The following CTBP2 variants were observed in gnomAD, a reference collection of about 807,000 sequenced individuals.
The protein encoded by CTBP2 is C-terminal-binding protein 2.
Under a neutral mutation model 80.3 loss-of-function variants are expected in CTBP2, and 30 were observed. The observed-to-expected ratio is 0.37, with a 90% CI of 0.28 to 0.51. The LOEUF is 0.51. Among genes scored for constraint, CTBP2 ranks in the 20% least tolerant of loss-of-function variants. CTBP2 has a pLI of 0.93. For missense variants in CTBP2, 1,212 were observed against 1,375.3 expected (o/e 0.88, Z 1.88); for synonymous variants, 594 against 587.4 (o/e 1.01, Z -0.16).
chr10:125,022,414 A>G (rs1441451565), intron 1 of CTBP2, among the ~76,000 whole-genome samples: 4 of 152,244 alleles, frequency 2.6e-5, no homozygotes, highest in African/African-American at 7.2e-5. Flanking sequence ...ACATCTGGCC[A>G]CAGGCCTGGC....
intron 1 of CTBP2, among the ~76,000 whole-genome samples, chr10:125,017,569 G>A (rs1252386558): frequency 1.3e-5 from 2 of 152,168 alleles, no homozygotes; most frequent in African/African-American, 4.8e-5. Context: ...TGTTACAGCT[G>A]TTCCCAACAG....
At chr10:125,157,899 G>C (rs1193982767) in intron 1 of CTBP2, among the ~76,000 whole-genome samples, 1 of 152,138 alleles carries the variant, frequency 6.6e-6, no homozygotes, top group Non-Finnish European at 1.5e-5. Flanking sequence ...AAGGGCACTA[G>C]GGGTTTTTCA....
upstream of CTBP2, among the ~76,000 whole-genome samples, chr10:125,161,941 C>T (rs1165895635): frequency 5.3e-5 from 8 of 152,128 alleles, no homozygotes; most frequent in Admixed American, 2.0e-4. Flanking sequence ...AGCGGCCGCT[C>T]GCGGCCCAAC....
chr10:125,033,990 G>A (rs1474122869), intron 3 of CTBP2, among the ~76,000 whole-genome samples: 1 of 152,096 alleles, frequency 6.6e-6, no homozygotes, highest in African/African-American at 2.4e-5. Context: ...CCAAACCCCA[G>A]CCACAGACTC....
intron 1 of CTBP2, among the ~76,000 whole-genome samples, chr10:125,114,694 T>C (rs1426386629): frequency 2.6e-5 from 4 of 152,138 alleles, no homozygotes; most frequent in African/African-American, 9.7e-5. Context: ...GAAACTCTGG[T>C]GTGGCTCCTT....
At chr10:125,161,832 C>T (rs1438809485), upstream of CTBP2, among the ~76,000 whole-genome samples, 2 of 152,140 alleles carry the variant, frequency 1.3e-5, no homozygotes, top group Non-Finnish European at 2.9e-5. Flanking sequence ...CGTGGGGGCC[C>T]GCGACTCGGG....
chr10:124,990,154 C>G (rs1952410564), intron 8 of CTBP2, among the ~76,000 whole-genome samples: 1 of 151,784 alleles, frequency 6.6e-6, no homozygotes, highest in Admixed American at 6.6e-5. Context: ...AAGTGATTCT[C>G]CTGCCTCAGC....
chr10:125,012,949 C>CA (rs1303734135), intron 1 of CTBP2, among the ~76,000 whole-genome samples: 1 of 152,230 alleles, frequency 6.6e-6, no homozygotes, highest in Non-Finnish European at 1.5e-5. Flanking sequence ...CTGGTGAACT[C>CA]AGTCGTCAAA....
At chr10:124,997,061 G>C (rs1030525982) in intron 4 of CTBP2, 1 of 152,474 alleles carries the variant, frequency 6.6e-6, no homozygotes, top group Non-Finnish European at 1.5e-5. Context: ...GAGCACGGGG[G>C]CTTCGTCCTC....
intron 2 of CTBP2, chr10:125,100,540 T>C (rs962340011): frequency 3.9e-5 from 6 of 152,240 alleles, no homozygotes; most frequent in Admixed American, 3.3e-4. Flanking sequence ...AAAAATTTTT[T>C]AATTTAATTT....
chr10:125,098,768 GAGAGAGAGAGAC>G (rs1564915046), intron 2 of CTBP2, among the ~76,000 whole-genome samples: 2 of 138,458 alleles, frequency 1.4e-5, no homozygotes, highest in Non-Finnish European at 3.2e-5. Context: ...GAGAGAGAGA[GAGAGAGAGAGAC>G]AGAGAGAGAG....
At chr10:125,031,488 CAAA>C (rs11463934), upstream of CTBP2, among the ~76,000 whole-genome samples, 122 of 33,680 alleles carry the variant, frequency 3.6e-3, no homozygotes, top group Non-Finnish European at 4.3e-3. Flanking sequence ...GACTCCATTT[CAAA>C]AAAAAAAAAA....
rs561509199 is a variant in CTBP2, at chr10:124,994,496, G to A, written c.2373C>T (p.His791=). 2 of 1,614,004 alleles carry A rather than the reference G, an allele frequency of 1.2e-6. No homozygotes were observed. Among genetic ancestry groups the A allele is most frequent in the African/African-American group, 1.3e-5 (1 of 75,054 alleles). The change falls in exon 5 of 9, where the codon CAC becomes CAT. Residue 791 remains histidine (H), a synonymous_variant. Coordinates refer to ENST00000309035, the MANE Select transcript of CTBP2 (RefSeq NM_022802.3). ...GCTTTATGGTAAAGTCATTGATGAG[G>A]TGGTGGTTATGTTCGTTGAGATTGC...
chr10:124,989,289 A>G lies in CTBP2; in HGVS notation c.*229T>C, dbSNP rs1044840674. 1.1e-5 allele frequency: 6 copies of G among 559,990 alleles called. No homozygotes were observed. Among genetic ancestry groups the G allele is most frequent in the African/African-American group, 3.8e-5 (2 of 52,730 alleles). The allele number at this position is 559,990 out of a possible 1,614,324, so 34.7% of individuals were successfully genotyped here. A position where few individuals can be genotyped will look rare whatever the true frequency, so the allele number is the denominator to read the frequency against. ...GCACAGATGAAAAACTTAACACACA[A>G]TAACAGAAGTTGGTCGTTAATAAAT... On this transcript the variant is annotated 3_prime_UTR_variant, in exon 9 of 9. Coordinates refer to ENST00000309035, the MANE Select transcript of CTBP2 (RefSeq NM_022802.3).
chr10:125,157,393 T>TAA (rs11355614), intron 1 of CTBP2, among the ~76,000 whole-genome samples: 19 of 112,644 alleles, frequency 1.7e-4, no homozygotes, highest in African/African-American at 6.0e-4. Flanking sequence ...AGGTGGGGGT[T>TAA]AAAAAAAAAA....
intron 2 of CTBP2, among the ~76,000 whole-genome samples, chr10:125,107,697 C>T (rs1348406574): frequency 6.6e-6 from 1 of 152,210 alleles, no homozygotes; most frequent in Middle Eastern, 3.2e-3. Context: ...CACCACCAAG[C>T]ACACTGAGTT....
intron 1 of CTBP2, among the ~76,000 whole-genome samples, chr10:125,140,091 T>G (rs1432908272): frequency 6.6e-6 from 1 of 152,062 alleles, no homozygotes; most frequent in Non-Finnish European, 1.5e-5. Flanking sequence ...GTCCTCACAC[T>G]ACACTGGGAA....
chr10:125,003,579 G>A (rs1954832656), intron 1 of CTBP2, 87 bp from the exon 4 acceptor site: 4 of 1,132,562 alleles, frequency 3.5e-6, no homozygotes, highest in Non-Finnish European at 3.7e-6. Flanking sequence ...CATCACTCAG[G>A]GCAGGGCTTG....
chr10:125,008,654 C>T (rs1955527043), intron 1 of CTBP2, among the ~76,000 whole-genome samples: 1 of 152,248 alleles, frequency 6.6e-6, no homozygotes, highest in Admixed American at 6.5e-5. Flanking sequence ...CAGAGTGCTG[C>T]AAGCAGCTCC....
Sources: allele counts gnomAD v4.1 joint callset (sites outside exome capture counted in the v4.1 genomes callset), GRCh38; gene constraint gnomAD v4.1.1; transcripts MANE v1.5; gene names NCBI Gene and HGNC (gene_info 2026-07-23, HGNC 2026-07-21).